Variants in HEXB observed in about 807,000 individuals in gnomAD.
HEXB encodes beta-hexosaminidase subunit beta.
A neutral mutation model predicts 71.2 loss-of-function variants in HEXB; 51 were observed. The observed-to-expected ratio is 0.72, with a 90% confidence interval of 0.57 to 0.90. The LOEUF (loss-of-function observed/expected upper bound fraction) is 0.90. Among genes scored for constraint, HEXB ranks in the 40% least tolerant of loss-of-function variants. The pLI, the probability that HEXB is intolerant of heterozygous loss-of-function variation, is 0.00. For missense variants in HEXB, 617 were observed against 677.0 expected, an observed-to-expected ratio of 0.91 and a Z score of 0.98; for synonymous variants, 266 against 249.3, an observed-to-expected ratio of 1.07 and a Z score of -0.63.
At chr5:74,696,664 A>G (rs201972010) in intron 3 of HEXB, 29 bp from the exon 4 acceptor site, 120 of 1,175,902 alleles carry the variant, frequency 1.0e-4, no homozygotes, top group Middle Eastern at 5.8e-4. Flanking sequence ...TGATTTATAA[A>G]TTAATGCAAT....
In HEXB at chr5:74,696,733, T is replaced by C. The variant is rs573447174; in HGVS notation, c.552T>C (p.Tyr184=). Residue 184 remains tyrosine (Y), a synonymous_variant, in exon 4 of 14, where the codon TAT becomes TAC. Coordinates refer to ENST00000261416, the MANE Select transcript of HEXB (RefSeq NM_000521.4). The part of the protein sequence containing the change: ...TFSQLVYQDS[Y]GTFTINESTI... ...GCCAGTTAGTTTATCAAGATTCTTA[T>C]GGAACTGTAAGTATGATTATTATAT... is the stretch of plus-strand genomic sequence containing the variant. The C allele has an allele frequency of 4.2e-6, 6 of 1,436,982 alleles. No individual in the cohort carries two copies. In the African/African-American group the frequency reaches 8.4e-5, roughly 20 times the overall value. 89.0% of individuals were successfully genotyped at this position (1,436,982 alleles called of 1,614,324 possible).
chr5:74,704,010 G>A (rs1050010539), intron 5 of HEXB, among the ~76,000 whole-genome samples: 13 of 152,292 alleles, frequency 8.5e-5, no homozygotes, highest in African/African-American at 2.6e-4. Flanking sequence ...ATATAGGCAC[G>A]TACGTTTGTT....
At position 74,703,235 on chromosome 5, in the gene HEXB, G is replaced by T. The variant is rs138428085; in HGVS notation, c.670-1984G>T. Among the ~76,000 whole-genome samples the T allele has an allele frequency of 6.0e-3, 908 of 152,392 alleles. 7 individuals are homozygous for T. The highest frequency in any genetic ancestry group is 0.014 in the Middle Eastern group (4 of 294). ...CCCAAAGTGCTGGGATTACAGGCGT[G>T]AGCCACTGTGCCCAGCCACTTTCCT... On this transcript the variant is annotated intron_variant, in intron 5 of 13. Coordinates refer to ENST00000261416, the MANE Select transcript of HEXB (RefSeq NM_000521.4).
chr5:74,667,695 G>GT (rs1353835060), intron 1 of HEXB, among the ~76,000 whole-genome samples: 5 of 152,140 alleles, frequency 3.3e-5, no homozygotes, highest in Middle Eastern at 3.2e-3. Context: ...AGCAGGGCTG[G>GT]TACAGTCTTT....
At chr5:74,706,853 C>A (rs1749407775) in intron 6 of HEXB, among the ~76,000 whole-genome samples, 1 of 152,172 alleles carries the variant, frequency 6.6e-6, no homozygotes, top group Non-Finnish European at 1.5e-5. Flanking sequence ...TCTGTAGGCT[C>A]CACCTCTGGG....
intron 1 of HEXB, among the ~76,000 whole-genome samples, chr5:74,671,190 A>AC (rs1748531745): frequency 6.6e-6 from 1 of 152,162 alleles, no homozygotes; most frequent in Non-Finnish European, 1.5e-5. Flanking sequence ...GTGTTCCAAG[A>AC]CCCATAAAAA....
At chr5:74,705,361 G>A in intron 6 of HEXB, 41 bp downstream of exon 6, 1 of 1,054,468 alleles carries the variant, frequency 9.5e-7, no homozygotes, top group Non-Finnish European at 1.5e-6. Context: ...AAAACATTGG[G>A]TATAGTTTCA....
chr5:74,712,829 A>T (rs999536092), intron 6 of HEXB, among the ~76,000 whole-genome samples: 3 of 152,320 alleles, frequency 2.0e-5, no homozygotes, highest in Non-Finnish European at 4.4e-5. Flanking sequence ...CCATAGTTTG[A>T]GAAATGTGCT....
At position 74,664,413 on chromosome 5, in the gene HEXB, G is replaced by A. The variant is rs547940025; in HGVS notation, c.-377+23855G>A. On this transcript the variant is annotated intron_variant, in intron 1 of 13. Transcript: ENST00000511181. ...CCATTGCACTCCAGCTTGGGCAATA[G>A]AGCAAGATTCTATCTCTAAAAAAAA... 2.8e-5 allele frequency among the ~76,000 whole-genome samples: 3 copies of A among 106,020 alleles called. No homozygotes were observed. In the South Asian group the frequency reaches 9.7e-4, roughly 34 times the overall value. The allele number at this position is 106,020 out of a possible 152,430, so 69.6% of individuals were successfully genotyped here. A position where few individuals can be genotyped will look rare whatever the true frequency, so the allele number is the denominator to read the frequency against.
chr5:74,682,208 A>C (rs1748750529), upstream of HEXB, among the ~76,000 whole-genome samples: 1 of 152,216 alleles, frequency 6.6e-6, no homozygotes. Context: ...AATACAAAAA[A>C]TTAGCCGGGC....
At chr5:74,707,369 C>G (rs1360861057) in intron 6 of HEXB, among the ~76,000 whole-genome samples, 2 of 152,214 alleles carry the variant, frequency 1.3e-5, no homozygotes, top group Non-Finnish European at 2.9e-5. Context: ...ACTGGAAACT[C>G]TAAAAAGCAG....
chr5:74,701,849 G>A (rs1749268183), intron 5 of HEXB, among the ~76,000 whole-genome samples: 1 of 151,676 alleles, frequency 6.6e-6, no homozygotes, highest in African/African-American at 2.4e-5. Context: ...AATATTTCAG[G>A]ATGAATTTCT....
intron 1 of HEXB, among the ~76,000 whole-genome samples, chr5:74,650,799 A>G (rs1486902762): frequency 2.0e-5 from 3 of 151,316 alleles, no homozygotes; most frequent in Non-Finnish European, 2.9e-5. Context: ...GGTGGTGGGC[A>G]CCTGTAGTCC....
chr5:74,702,041 A>ATC (rs1226465514), intron 5 of HEXB, among the ~76,000 whole-genome samples: 2 of 138,416 alleles, frequency 1.4e-5, no homozygotes, highest in African/African-American at 2.7e-5. Context: ...GCCACCATTA[A>ATC]TCTGCAACTG....
rs140601754 is a variant in HEXB, at chr5:74,644,538, T to G, written c.-377+3980T>G. Among the ~76,000 whole-genome samples the G allele has an allele frequency of 1.5e-3, 235 of 152,240 alleles. 4 individuals are homozygous for G. The East Asian group carries it at 0.032, about 21-fold the overall frequency. On this transcript the variant is annotated intron_variant, in intron 1 of 13. Coordinates refer to the HEXB transcript ENST00000511181. ...AGAGAGAGAGGAAAGTCTGGCTGTT[T>G]ATTAAAGAGATGAGAATAAGGAAAA... is the stretch of plus-strand genomic sequence containing the variant.
chr5:74,678,190 T>C (rs1392251888), intron 1 of HEXB, among the ~76,000 whole-genome samples: 1 of 151,870 alleles, frequency 6.6e-6, no homozygotes, highest in Non-Finnish European at 1.5e-5. Flanking sequence ...CCCAGCTCCT[T>C]GGGAGGCTGA....
chr5:74,693,408 A>G, intron 2 of HEXB: 1 of 578,172 alleles, frequency 1.7e-6, no homozygotes, highest in South Asian at 1.9e-5. Flanking sequence ...ACAGAAGACC[A>G]GCAGGTTGAA....
chr5:74,706,002 A>G (rs1388751453), intron 6 of HEXB: 1 of 152,890 alleles, frequency 6.5e-6, no homozygotes, highest in Non-Finnish European at 1.5e-5. Flanking sequence ...TGCTAACAGC[A>G]CTTGTGTTTT....
At chr5:74,718,173 G>C in intron 9 of HEXB, 118 bp from the exon 10 acceptor site, 1 of 756,254 alleles carries the variant, frequency 1.3e-6, no homozygotes, top group South Asian at 1.5e-5. Context: ...CTATAAAGCT[G>C]AACTATACTA....
Sources: allele counts gnomAD v4.1 joint callset (sites outside exome capture counted in the v4.1 genomes callset), GRCh38; gene constraint gnomAD v4.1.1; transcripts MANE v1.5; gene names NCBI Gene and HGNC (gene_info 2026-07-23, HGNC 2026-07-21).